The following PLEKHA5 variants were observed in gnomAD, a reference collection of about 807,000 sequenced individuals.
PLEKHA5 encodes pleckstrin homology domain-containing family A member 5.
A neutral mutation model predicts 181.9 loss-of-function variants in PLEKHA5; 55 were observed. That is an observed-to-expected ratio of 0.30 (90% CI 0.24 to 0.38). The LOEUF is 0.38. Among genes scored for constraint, PLEKHA5 ranks in the 10% least tolerant of loss-of-function variants. PLEKHA5 has a pLI of 1.00. For synonymous variants in PLEKHA5, 535 were observed against 529.4 expected (o/e 1.01, Z -0.15); for missense variants, 1,432 against 1,549.5 (o/e 0.92, Z 1.27).
intron 3 of PLEKHA5, chr12:19,153,150 T>C (rs554485262): frequency 1.3e-5 from 2 of 152,312 alleles, no homozygotes; most frequent in African/African-American, 4.8e-5. Context: ...TTCTAATTTT[T>C]ACCACTAAGA....
At chr12:19,371,847 A>G (rs2095584448) in intron 31 of PLEKHA5, 4 of 152,198 alleles carry the variant, frequency 2.6e-5, no homozygotes. Context: ...TTGCTGGATC[A>G]AATGCTGGAT....
intron 3 of PLEKHA5, chr12:19,236,830 A>G (rs949098125): frequency 1.3e-5 from 2 of 152,136 alleles, no homozygotes; most frequent in Admixed American, 6.6e-5. Context: ...CTGCAATGAC[A>G]TGTTCTGATG....
chr12:19,308,935 G>T (rs1010508442), intron 15 of PLEKHA5, among the ~76,000 whole-genome samples: 20 of 140,274 alleles, frequency 1.4e-4, no homozygotes, highest in Admixed American at 1.3e-3. Flanking sequence ...GGTGGTGCAT[G>T]CCTGTAATCC....
At chr12:19,163,540 G>A (rs1485328007) in intron 3 of PLEKHA5, among the ~76,000 whole-genome samples, 2 of 152,052 alleles carry the variant, frequency 1.3e-5, no homozygotes, top group East Asian at 3.9e-4. Flanking sequence ...AGTCTATTTT[G>A]TCTGAGATGA....
At chr12:19,214,560 G>A (rs1397145778) in intron 3 of PLEKHA5, among the ~76,000 whole-genome samples, 1 of 152,122 alleles carries the variant, frequency 6.6e-6, no homozygotes, top group African/African-American at 2.4e-5. Context: ...AGAAGAACCA[G>A]TTGTTAGGAC....
chr12:19,206,589 C>T (rs975311517), intron 3 of PLEKHA5, among the ~76,000 whole-genome samples: 11 of 151,888 alleles, frequency 7.2e-5, no homozygotes, highest in Non-Finnish European at 1.5e-4. Context: ...GGGGTGGGAA[C>T]GATAGGAAGA....
intron 4 of PLEKHA5, among the ~76,000 whole-genome samples, chr12:19,254,607 G>C (rs926776253): frequency 1.4e-4 from 22 of 152,124 alleles, no homozygotes; most frequent in African/African-American, 5.3e-4. Context: ...AATCACTTGA[G>C]GTCAGGCATT....
intron 3 of PLEKHA5, among the ~76,000 whole-genome samples, chr12:19,226,474 G>C (rs1270269720): frequency 1.3e-5 from 2 of 152,088 alleles, no homozygotes; most frequent in Non-Finnish European, 2.9e-5. Flanking sequence ...TGAATTGCTA[G>C]GTCATATGGC....
chr12:19,282,506 C>T (rs1422065654), intron 11 of PLEKHA5, among the ~76,000 whole-genome samples: 1 of 152,124 alleles, frequency 6.6e-6, no homozygotes, highest in Non-Finnish European at 1.5e-5. Flanking sequence ...AACCATACTT[C>T]CTGAAAGAAA....
chr12:19,223,000 C>CTTTT (rs62719560), intron 3 of PLEKHA5, among the ~76,000 whole-genome samples: 1 of 128,926 alleles, frequency 7.8e-6, no homozygotes, highest in African/African-American at 2.9e-5. Context: ...GAAATTTTGT[C>CTTTT]TTTTTTTTTT....
chr12:19,320,453 A>AT lies in PLEKHA5; in HGVS notation c.2155-104dup, dbSNP rs147030589. The AT allele has an allele frequency of 3.8e-3, 2,027 of 536,222 alleles. 36 individuals are homozygous for AT. Among genetic ancestry groups the AT allele is most frequent in the African/African-American group, 0.038 (1,893 of 50,302 alleles). The allele number at this position is 536,222 out of a possible 1,614,324, so 33.2% of individuals were successfully genotyped here. On this transcript the variant is annotated intron_variant, in intron 17 of 31. Coordinates refer to ENST00000429027, the MANE Select transcript of PLEKHA5 (RefSeq NM_001256470.2). The stretch of plus-strand genomic sequence containing the variant: ...AAAAGTGTAAGAATCATTAAAATCT[A>AT]TTTTTGTTATGTTATATATATTTAA...
chr12:19,171,730 A>G (rs1012889934), intron 3 of PLEKHA5, among the ~76,000 whole-genome samples: 3 of 152,246 alleles, frequency 2.0e-5, no homozygotes, highest in African/African-American at 7.2e-5. Flanking sequence ...AGCTTAAAAC[A>G]CAAACACGTT....
At chr12:19,253,859 C>A in intron 3 of PLEKHA5, 81 bp from the exon 4 acceptor site, 1 of 881,734 alleles carries the variant, frequency 1.1e-6, no homozygotes, top group South Asian at 1.4e-5. Flanking sequence ...AATTTCATTT[C>A]CTTTGTAGAC....
Position 19,369,711 on chromosome 12 carries a change from C to T in PLEKHA5, c.3773C>T (p.Ser1258Phe), listed in dbSNP as rs1250103304. 5 of 1,610,732 alleles carry T rather than the reference C, an allele frequency of 3.1e-6. No homozygotes were observed. The highest frequency in any genetic ancestry group is 4.2e-6 in the Non-Finnish European group (5 of 1,177,990). Residue 1258 changes from serine (S) to phenylalanine (F), a missense_variant, in exon 31 of 32, where the codon TCT (serine) becomes TTT (phenylalanine). Physicochemically the swap from Ser to Phe is radical, Grantham distance 155. Coordinates refer to ENST00000429027, the MANE Select transcript of PLEKHA5 (RefSeq NM_001256470.2). ...QTMAVKSLSP[S>F]PESSASPVPS... The stretch of plus-strand genomic sequence containing the variant: ...GTTTTAGTGAAAAGTCTGTCCCCAT[C>T]TCCTGAGTCCTCGGCATCGCCAGTT...
intron 3 of PLEKHA5, among the ~76,000 whole-genome samples, chr12:19,198,878 A>T (rs973722563): frequency 6.6e-6 from 1 of 152,152 alleles, no homozygotes. Context: ...AATATTTTTT[A>T]AAAATTTTTC....
chr12:19,273,619 CAG>C (rs2073705413), intron 10 of PLEKHA5, among the ~76,000 whole-genome samples: 1 of 152,070 alleles, frequency 6.6e-6, no homozygotes, highest in South Asian at 2.1e-4. Flanking sequence ...TTGATCTTTT[CAG>C]AGTCTGGAAG....
chr12:19,340,400 G>C (rs10743320), intron 21 of PLEKHA5, among the ~76,000 whole-genome samples: 8 of 103,310 alleles, frequency 7.7e-5, no homozygotes, highest in Non-Finnish European at 1.6e-4. Flanking sequence ...CAGCCGCCCC[G>C]TCCGGGAGGT....
At chr12:19,335,778 C>T (rs1049904715) in intron 20 of PLEKHA5, among the ~76,000 whole-genome samples, 5 of 151,888 alleles carry the variant, frequency 3.3e-5, no homozygotes, top group Non-Finnish European at 7.4e-5. Context: ...ACCACAGGCA[C>T]AAGTCATCGG....
intron 3 of PLEKHA5, among the ~76,000 whole-genome samples, chr12:19,183,026 A>G (rs1195722536): frequency 2.0e-5 from 3 of 152,230 alleles, no homozygotes; most frequent in African/African-American, 7.2e-5. Flanking sequence ...GAGCAATGAA[A>G]CAGAGCTGTT....
Sources: gnomAD v4.1 joint callset for allele counts (sites outside exome capture counted in the v4.1 genomes callset) on GRCh38, gnomAD v4.1.1 for gene constraint, MANE v1.5 for transcripts, NCBI Gene and HGNC (gene_info 2026-07-23, HGNC 2026-07-21) for gene names.